Variants in GLI3 observed in about 807,000 individuals in gnomAD.
GLI3 encodes the protein GLI family zinc finger 3, also known as transcription activator GLI3.
A neutral mutation model predicts 100.8 loss-of-function variants in GLI3; 20 were observed. The ratio of observed to expected loss-of-function variants is 0.20; its 90% confidence interval spans 0.14 to 0.29. GLI3 has a LOEUF of 0.29. Among genes scored for constraint, GLI3 ranks in the 10% least tolerant of loss-of-function variants. GLI3 has a pLI of 1.00. For synonymous variants in GLI3, 938 were observed against 860.5 expected, an observed-to-expected ratio of 1.09 and a Z score of -1.58; for missense variants, 2,040 against 2,128.5, an observed-to-expected ratio of 0.96 and a Z score of 0.82.
intron 3 of GLI3, among the ~76,000 whole-genome samples, chr7:42,098,615 G>A (rs1357397484): frequency 2.6e-5 from 4 of 152,100 alleles, no homozygotes; most frequent in Non-Finnish European, 4.4e-5. Flanking sequence ...AAATAAGATC[G>A]TGTTTATAAA....
intron 10 of GLI3, among the ~76,000 whole-genome samples, chr7:42,014,827 T>TG (rs1362411145): frequency 3.9e-5 from 6 of 152,046 alleles, no homozygotes; most frequent in Admixed American, 3.9e-4. Flanking sequence ...GGCCACCAGG[T>TG]GGTGACGATG....
chr7:42,011,159 T>G (rs1220612788), intron 10 of GLI3, among the ~76,000 whole-genome samples: 6 of 152,184 alleles, frequency 3.9e-5, no homozygotes, highest in African/African-American at 1.4e-4. Context: ...ATGGAGTTAT[T>G]TGCTGGGTAA....
At chr7:42,013,246 T>C (rs1788667812) in intron 10 of GLI3, among the ~76,000 whole-genome samples, 1 of 152,210 alleles carries the variant, frequency 6.6e-6, no homozygotes, top group Non-Finnish European at 1.5e-5. Flanking sequence ...CCACCAGACC[T>C]AATGCTTTGA....
chr7:41,996,390 T>C (rs1788126727), intron 10 of GLI3, among the ~76,000 whole-genome samples: 2 of 152,114 alleles, frequency 1.3e-5, no homozygotes, highest in African/African-American at 2.4e-5. Context: ...AGTTCAAACA[T>C]ACCCAACCTG....
intron 2 of GLI3, among the ~76,000 whole-genome samples, chr7:42,183,525 A>C (rs748261036): frequency 2.6e-5 from 4 of 152,216 alleles, no homozygotes; most frequent in Non-Finnish European, 2.9e-5. Context: ...TTCTGGGGAC[A>C]GCAGATAGGA....
At chr7:41,985,961 C>T (rs1449586882) in intron 10 of GLI3, among the ~76,000 whole-genome samples, 2 of 152,170 alleles carry the variant, frequency 1.3e-5, no homozygotes, top group African/African-American at 4.8e-5. Flanking sequence ...CTGAAACAGC[C>T]TCTGCTGTGG....
At chr7:42,115,519 T>A (rs922129245) in intron 3 of GLI3, among the ~76,000 whole-genome samples, 2 of 152,192 alleles carry the variant, frequency 1.3e-5, no homozygotes, top group African/African-American at 4.8e-5. Flanking sequence ...TCATCTCTTC[T>A]TTTCTACCAA....
intron 3 of GLI3, among the ~76,000 whole-genome samples, chr7:42,091,818 C>A (rs1785226821): frequency 6.6e-6 from 1 of 152,208 alleles, no homozygotes; most frequent in African/African-American, 2.4e-5. Flanking sequence ...TGAGGCCAAA[C>A]TGTTTTCCTT....
At chr7:42,127,418 C>G (rs985184269) in intron 3 of GLI3, among the ~76,000 whole-genome samples, 12 of 152,206 alleles carry the variant, frequency 7.9e-5, no homozygotes, top group Admixed American at 7.8e-4. Flanking sequence ...ACCCACTTCC[C>G]TCTTCTCAAT....
At chr7:42,169,724 G>A (rs929113243) in intron 2 of GLI3, among the ~76,000 whole-genome samples, 4 of 151,578 alleles carry the variant, frequency 2.6e-5, no homozygotes, top group Admixed American at 2.0e-4. Context: ...AACAATAGAA[G>A]ATTAATAATG....
At chr7:42,070,658 A>G (rs946906901) in intron 4 of GLI3, among the ~76,000 whole-genome samples, 4 of 152,246 alleles carry the variant, frequency 2.6e-5, no homozygotes, top group African/African-American at 9.6e-5. Flanking sequence ...TATTGTGCTT[A>G]GCCTATAGTA....
intron 11 of GLI3, 33 bp downstream of exon 11, chr7:41,978,566 C>G: frequency 2.5e-6 from 4 of 1,608,880 alleles, no homozygotes; most frequent in Non-Finnish European, 3.4e-6. Flanking sequence ...GGGGAAGGAC[C>G]CAAGTGTGCC....
intron 2 of GLI3, among the ~76,000 whole-genome samples, chr7:42,210,991 A>ATG (rs1166430046): frequency 2.6e-5 from 4 of 152,358 alleles, no homozygotes; most frequent in Non-Finnish European, 5.9e-5. Context: ...GTATGCTGAT[A>ATG]TGTGTGTGTG....
chr7:42,197,055 C>G (rs865857229), intron 2 of GLI3, among the ~76,000 whole-genome samples: 2 of 152,156 alleles, frequency 1.3e-5, no homozygotes, highest in Non-Finnish European at 2.9e-5. Flanking sequence ...ACAATGTAGC[C>G]CTGACTTAGG....
intron 10 of GLI3, among the ~76,000 whole-genome samples, chr7:41,983,340 T>C (rs1787727536): frequency 6.6e-6 from 1 of 152,144 alleles, no homozygotes. Context: ...GGGAGGGCCA[T>C]ACATTAGGCC....
chr7:42,210,187 A>G (rs765364818), intron 2 of GLI3, among the ~76,000 whole-genome samples: 1 of 152,036 alleles, frequency 6.6e-6, no homozygotes, highest in Non-Finnish European at 1.5e-5. Flanking sequence ...AGTCGTTGTC[A>G]CTGTGGTCAA....
chr7:42,154,828 G>A (rs1230332960), intron 2 of GLI3, among the ~76,000 whole-genome samples: 2 of 152,202 alleles, frequency 1.3e-5, no homozygotes, highest in African/African-American at 4.8e-5. Flanking sequence ...CAAAGGGCGT[G>A]AGCAAACAAT....
At chr7:42,113,549 A>T (rs888302480) in intron 3 of GLI3, 4 of 1,186,328 alleles carry the variant, frequency 3.4e-6, no homozygotes, top group Middle Eastern at 2.8e-4. Context: ...CAAGGAGGGG[A>T]ATAACCCTAC....
intron 10 of GLI3, among the ~76,000 whole-genome samples, chr7:42,020,383 C>CA (rs896998888): frequency 5.9e-5 from 9 of 152,172 alleles, no homozygotes; most frequent in Admixed American, 5.9e-4. Context: ...CAAAGCCCTT[C>CA]AATTGCAGCC....
Sources: gnomAD v4.1 joint callset for allele counts (sites outside exome capture counted in the v4.1 genomes callset) on GRCh38, gnomAD v4.1.1 for gene constraint, MANE v1.5 for transcripts, NCBI Gene and HGNC (gene_info 2026-07-23, HGNC 2026-07-21) for gene names.